The following MALRD1 variants were observed in gnomAD, a reference collection of about 807,000 sequenced individuals.
The protein encoded by MALRD1 is MAM and LDL receptor class A domain containing 1.
In MALRD1, 247 loss-of-function variants were observed where a neutral mutation model predicts 242.1. The ratio of observed to expected loss-of-function variants is 1.02; its 90% CI spans 0.92 to 1.13. MALRD1 has a LOEUF of 1.13. MALRD1 is among the 50% of genes most tolerant of loss of function. MALRD1 has a pLI of 0.00. For synonymous variants in MALRD1, 995 were observed against 866.6 expected (o/e 1.15, Z -2.60); for missense variants, 2,989 against 2,533.1 (o/e 1.18, Z -3.86).
intron 21 of MALRD1, among the ~76,000 whole-genome samples, chr10:19,303,741 T>C (rs1219769631): frequency 4.0e-5 from 6 of 151,756 alleles, no homozygotes; most frequent in Admixed American, 2.6e-4. Flanking sequence ...TTTATGTCTT[T>C]TTTAAAATAA....
chr10:19,463,986 CAT>C (rs1392029928), intron 29 of MALRD1, among the ~76,000 whole-genome samples: 1 of 152,122 alleles, frequency 6.6e-6, no homozygotes, highest in African/African-American at 2.4e-5. Flanking sequence ...AACATTTTTT[CAT>C]ATGTTTGTTG....
intron 18 of MALRD1, among the ~76,000 whole-genome samples, chr10:19,237,270 A>G (rs555657407): frequency 3.3e-4 from 50 of 151,392 alleles, no homozygotes; most frequent in African/African-American, 1.2e-3. Context: ...ACTGTTAACC[A>G]GTCTCCCTCC....
At chr10:19,571,395 A>C (rs1836532817) in intron 33 of MALRD1, among the ~76,000 whole-genome samples, 1 of 152,186 alleles carries the variant, frequency 6.6e-6, no homozygotes, top group Non-Finnish European at 1.5e-5. Context: ...AATAACAATT[A>C]TATATATGCC....
chr10:19,063,847 G>A (rs923300519), intron 1 of MALRD1, among the ~76,000 whole-genome samples: 1 of 151,950 alleles, frequency 6.6e-6, no homozygotes, highest in African/African-American at 2.4e-5. Context: ...AATGCTAAAT[G>A]ACGAGTTAAT....
chr10:19,094,149 A>G (rs1445333326), intron 4 of MALRD1, among the ~76,000 whole-genome samples: 1 of 108,384 alleles, frequency 9.2e-6, no homozygotes, highest in East Asian at 2.8e-4. Flanking sequence ...TGCTTTGTTT[A>G]CCTAAGCAAG....
chr10:19,675,587 A>G (rs1405637866), intron 36 of MALRD1, among the ~76,000 whole-genome samples: 2 of 152,242 alleles, frequency 1.3e-5, no homozygotes, highest in African/African-American at 4.8e-5. Context: ...TGTTTTAACA[A>G]ACTTTCCAGA....
chr10:19,347,722 G>A (rs1263658922), intron 24 of MALRD1, 49 bp from the exon 25 acceptor site: 5 of 1,540,352 alleles, frequency 3.2e-6, no homozygotes, highest in Non-Finnish European at 1.8e-6. Flanking sequence ...ATGTTTTAAA[G>A]TAGGCAAATT....
At chr10:19,234,703 A>G (rs757198671) in intron 18 of MALRD1, among the ~76,000 whole-genome samples, 2 of 152,126 alleles carry the variant, frequency 1.3e-5, no homozygotes, top group African/African-American at 4.8e-5. Flanking sequence ...AGATCCTACT[A>G]TACTCCAGAC....
chr10:19,327,634 G>A lies in MALRD1; in HGVS notation c.3648G>A (p.Lys1216=), dbSNP rs1554833380. Residue 1216 remains lysine (K), a synonymous_variant, in exon 23 of 40, where the codon AAG becomes AAA. Coordinates refer to ENST00000454679, the MANE Select transcript of MALRD1 (RefSeq NM_001142308.3). ...CTGGACAGCAAGGTGCACAGTGGAAGAGAGCAGAAGTGTTTTTAGGCATTC... is the reference window on the plus strand; with the variant it reads ...CTGGACAGCAAGGTGCACAGTGGAAAAGAGCAGAAGTGTTTTTAGGCATTC... ...AQTGQQGAQW[K]RAEVFLGIRS... is the part of the protein sequence containing the mutation. 1.3e-6 allele frequency: 2 copies of A among 1,549,870 alleles called. No homozygotes were observed.
chr10:19,200,421 A>G lies in MALRD1; in HGVS notation c.1952-3307A>G, dbSNP rs115365638. On this transcript the variant is annotated intron_variant, in intron 14 of 39. Transcript: ENST00000454679. ...GTTCAACTGTTCAAAGTTCAACCAC[A>G]TGATGCGTTAGGAGGTATTTCCTCC... Among the ~76,000 whole-genome samples the G allele has an allele frequency of 7.0e-3, 1,063 of 152,240 alleles. 9 individuals carry two copies. The highest frequency in any genetic ancestry group is 0.024 in the African/African-American group (1,016 of 41,528).
intron 38 of MALRD1, among the ~76,000 whole-genome samples, chr10:19,712,320 G>T (rs562456464): frequency 6.6e-6 from 1 of 152,152 alleles, no homozygotes; most frequent in Non-Finnish European, 1.5e-5. Flanking sequence ...TTTTAAATAG[G>T]TTATTTTAAA....
intron 5 of MALRD1, among the ~76,000 whole-genome samples, chr10:19,114,527 C>T (rs920475046): frequency 6.6e-6 from 1 of 152,038 alleles, no homozygotes; most frequent in African/African-American, 2.4e-5. Flanking sequence ...ATCCCAGCTA[C>T]TCCAGAGGGT....
chr10:19,653,613 C>CTTCTTGCCTCTGGGAGACTTTGT (rs139497316), intron 36 of MALRD1, among the ~76,000 whole-genome samples: 15,902 of 151,612 alleles, frequency 0.1, 2,124 homozygotes, highest in African/African-American at 0.31. Context: ...TTAATTTTTT[C>CTTCTTGCCTCTGGGAGACTTTGT]TTCTTGCCTC....
In MALRD1 at chr10:19,242,427, C is replaced by G. The variant is rs185987628; in HGVS notation, c.2992-15257C>G. On this transcript the variant is annotated intron_variant, in intron 18 of 39. Transcript: ENST00000454679. ...TATCAGGTGAGATCTTCTTTACCTGCTAGGTCCATTTGGTCTATGGTATAG... is the reference window on the plus strand; with the variant it reads ...TATCAGGTGAGATCTTCTTTACCTGGTAGGTCCATTTGGTCTATGGTATAG... Among the ~76,000 whole-genome samples the G allele has an allele frequency of 2.1e-3, 321 of 152,156 alleles. 1 individual carries two copies. In the South Asian group the frequency reaches 0.025, roughly 12 times the overall value.
At chr10:19,072,156 G>A (rs1378516972) in intron 2 of MALRD1, among the ~76,000 whole-genome samples, 1 of 152,170 alleles carries the variant, frequency 6.6e-6, no homozygotes, top group Non-Finnish European at 1.5e-5. Context: ...TTTTCCAGAT[G>A]TTGCTTGGGA....
At chr10:19,689,517 G>T (rs1384766870) in intron 36 of MALRD1, among the ~76,000 whole-genome samples, 1 of 151,922 alleles carries the variant, frequency 6.6e-6, no homozygotes, top group African/African-American at 2.4e-5. Context: ...GGCAAATGAT[G>T]GATAAAGTAA....
At chr10:19,731,475 AC>A (rs1330969238) in intron 39 of MALRD1, among the ~76,000 whole-genome samples, 1 of 149,644 alleles carries the variant, frequency 6.7e-6, no homozygotes, top group African/African-American at 2.5e-5. Flanking sequence ...AATATCTATC[AC>A]CTCACATAGT....
chr10:19,118,157 A>G (rs1836937568), intron 5 of MALRD1, among the ~76,000 whole-genome samples: 1 of 152,244 alleles, frequency 6.6e-6, no homozygotes, highest in South Asian at 2.1e-4. Flanking sequence ...AAAACATATC[A>G]CCTGAGAAAA....
intron 18 of MALRD1, among the ~76,000 whole-genome samples, chr10:19,237,313 G>T (rs1838364435): frequency 6.7e-6 from 1 of 150,166 alleles, no homozygotes; most frequent in African/African-American, 2.4e-5. Flanking sequence ...CTCACTGTTT[G>T]GTAACCACTA....
Sources: gnomAD v4.1 joint callset for allele counts (sites outside exome capture counted in the v4.1 genomes callset) on GRCh38, gnomAD v4.1.1 for gene constraint, MANE v1.5 for transcripts, NCBI Gene and HGNC (gene_info 2026-07-23, HGNC 2026-07-21) for gene names.